Variants in SLC25A12 observed in about 807,000 individuals in gnomAD.
SLC25A12 encodes electrogenic aspartate/glutamate antiporter SLC25A12, mitochondrial.
SLC25A12 carries 32 observed loss-of-function variants against 83.3 expected under a neutral mutation model. The ratio of observed to expected loss-of-function variants is 0.38; its 90% confidence interval spans 0.29 to 0.52. The LOEUF (loss-of-function observed/expected upper bound fraction) is 0.52, where lower values mean the gene tolerates loss of function less well. Among genes scored for constraint, SLC25A12 ranks in the 20% least tolerant of loss-of-function variants. SLC25A12 has a pLI of 0.84. For synonymous variants in SLC25A12, 267 were observed against 291.1 expected (o/e 0.92, Z 0.84); for missense variants, 611 against 835.6 (o/e 0.73, Z 3.31).
intron 4 of SLC25A12, among the ~76,000 whole-genome samples, chr2:171,851,977 T>TA (rs928226810): frequency 9.2e-5 from 14 of 152,220 alleles, no homozygotes; most frequent in Admixed American, 2.6e-4. Context: ...AAGGCAAACT[T>TA]ACACTGTAGC....
At chr2:171,825,029 G>C (rs1415149233) in intron 9 of SLC25A12, among the ~76,000 whole-genome samples, 1 of 152,030 alleles carries the variant, frequency 6.6e-6, no homozygotes, top group African/African-American at 2.4e-5. Context: ...GGCTGGTCTG[G>C]AACTTCTGGG....
At chr2:171,795,329 T>G (rs1386931878) in intron 13 of SLC25A12, among the ~76,000 whole-genome samples, 1 of 152,202 alleles carries the variant, frequency 6.6e-6, no homozygotes, top group African/African-American at 2.4e-5. Context: ...TCTCTCTCTT[T>G]GAATCTGTTG....
chr2:171,820,204 T>C lies in SLC25A12; in HGVS notation c.931-5002A>G, dbSNP rs143736350. Among the ~76,000 whole-genome samples, 22 of 152,314 alleles carry C rather than the reference T, an allele frequency of 1.4e-4. 1 individual carries two copies. Among genetic ancestry groups the C allele is most frequent in the African/African-American group, 5.3e-4 (22 of 41,570 alleles). ...TTTACCTATGTAACAAACCTTCACA[T>C]GTACCCCCAAACTTAAAAGTTAAAA... On this transcript the variant is annotated intron_variant, in intron 9 of 17. Transcript: ENST00000422440.
intron 2 of SLC25A12, among the ~76,000 whole-genome samples, chr2:171,890,272 G>A (rs976298866): frequency 1.3e-5 from 2 of 152,142 alleles, no homozygotes; most frequent in African/African-American, 2.4e-5. Flanking sequence ...AGAAATACAC[G>A]GTTAGCATGT....
At chr2:171,885,699 A>G (rs1685803918) in intron 2 of SLC25A12, among the ~76,000 whole-genome samples, 1 of 152,002 alleles carries the variant, frequency 6.6e-6, no homozygotes, top group South Asian at 2.1e-4. Flanking sequence ...ATAAATAAAT[A>G]AATAGGTTAT....
chr2:171,787,967 T>C lies in SLC25A12; in HGVS notation c.1586-20A>G, dbSNP rs1690519504. 6.2e-7 allele frequency: 1 copy of C among 1,613,638 alleles called. No homozygotes were observed. The highest frequency in any genetic ancestry group is 8.5e-7 in the Non-Finnish European group (1 of 1,179,716). ...GGACACCTTTCAGGAGAAAACCACA[T>C]TTAATTTATCTAGAGTACCTTATAA... is the stretch of plus-strand genomic sequence containing the variant. On this transcript the variant is annotated intron_variant, in intron 15 of 17. Coordinates refer to ENST00000422440, the MANE Select transcript of SLC25A12 (RefSeq NM_003705.5).
intron 8 of SLC25A12, among the ~76,000 whole-genome samples, chr2:171,833,028 T>C (rs767605528): frequency 6.6e-6 from 1 of 152,142 alleles, no homozygotes; most frequent in African/African-American, 2.4e-5. Context: ...CAGCCCATTG[T>C]TAATAATTAT....
chr2:171,810,137 G>T, intron 12 of SLC25A12, 87 bp downstream of exon 12: 1 of 1,131,494 alleles, frequency 8.8e-7, no homozygotes, highest in Non-Finnish European at 1.4e-6. Context: ...TTATAGGCAT[G>T]AGCTACCACG....
At chr2:171,822,793 C>G (rs1188624298) in intron 9 of SLC25A12, among the ~76,000 whole-genome samples, 1 of 152,186 alleles carries the variant, frequency 6.6e-6, no homozygotes, top group Non-Finnish European at 1.5e-5. Context: ...TCTGGACTCA[C>G]AGATTCTCCA....
At chr2:171,842,167 T>C (rs990101167) in intron 5 of SLC25A12, among the ~76,000 whole-genome samples, 2 of 151,680 alleles carry the variant, frequency 1.3e-5, no homozygotes, top group Non-Finnish European at 1.5e-5. Context: ...AAATATAACA[T>C]ATTTATACTA....
intron 8 of SLC25A12, among the ~76,000 whole-genome samples, chr2:171,833,321 G>A (rs947382808): frequency 4.6e-5 from 7 of 152,106 alleles, no homozygotes; most frequent in East Asian, 1.9e-4. Context: ...TGAAGATCAC[G>A]TCTCTCAGGG....
intron 3 of SLC25A12, among the ~76,000 whole-genome samples, chr2:171,859,616 T>C (rs1429763116): frequency 6.6e-6 from 1 of 152,196 alleles, no homozygotes; most frequent in Non-Finnish European, 1.5e-5. Flanking sequence ...TTGTTCCACC[T>C]ATGTGAGATA....
At chr2:171,809,342 T>C in intron 13 of SLC25A12, 1 of 465,020 alleles carries the variant, frequency 2.2e-6, no homozygotes. Context: ...TGGTTCCTAT[T>C]TCTCCACATC....
chr2:171,887,194 A>G (rs920128805), intron 2 of SLC25A12, among the ~76,000 whole-genome samples: 1 of 152,186 alleles, frequency 6.6e-6, no homozygotes, highest in African/African-American at 2.4e-5. Context: ...TATTGTAAAA[A>G]CCCTAAGGAG....
At chr2:171,805,923 A>T (rs1467011905) in intron 13 of SLC25A12, among the ~76,000 whole-genome samples, 1 of 152,158 alleles carries the variant, frequency 6.6e-6, no homozygotes, top group Non-Finnish European at 1.5e-5. Flanking sequence ...AGCCTGGGCA[A>T]CATGATGAAA....
chr2:171,883,612 CCTTT>C (rs35860484), intron 2 of SLC25A12, among the ~76,000 whole-genome samples: 42,305 of 151,960 alleles, frequency 0.28, 6,143 homozygotes, highest in African/African-American at 0.36. Flanking sequence ...GGCACACTGG[CCTTT>C]CTGTTTGTTG....
rs376661889 is a variant in SLC25A12 at position 171,793,608 on chromosome 2, A to G, written c.1446+19T>C. 254 of 1,613,240 alleles carry G rather than the reference A, an allele frequency of 1.6e-4. No individual in the cohort carries two copies. In the African/African-American group the frequency reaches 3.1e-3, roughly 20 times the overall value. On this transcript the variant is annotated intron_variant, in intron 14 of 17. Transcript: ENST00000422440. ...TCTTTCATATTTTATTGAGTACATT[A>G]TAACCTAAACCTACCCACCTTATAC... is the stretch of plus-strand genomic sequence containing the variant.
chr2:171,800,352 T>C (rs953838747), intron 13 of SLC25A12, among the ~76,000 whole-genome samples: 2 of 149,972 alleles, frequency 1.3e-5, no homozygotes, highest in Admixed American at 6.7e-5. Flanking sequence ...CACACACATA[T>C]ACGAATAGCC....
At chr2:171,847,533 T>C (rs367693153) in intron 4 of SLC25A12, among the ~76,000 whole-genome samples, 9 of 152,292 alleles carry the variant, frequency 5.9e-5, no homozygotes, top group African/African-American at 1.9e-4. Context: ...GTATAGCAAG[T>C]TCCACCCACC....
Sources: allele counts gnomAD v4.1 joint callset (sites outside exome capture counted in the v4.1 genomes callset), GRCh38; gene constraint gnomAD v4.1.1; transcripts MANE v1.5; gene names NCBI Gene and HGNC (gene_info 2026-07-23, HGNC 2026-07-21).